The following SMYD3 variants were observed in gnomAD, a reference collection of about 807,000 sequenced individuals.
SMYD3 encodes the protein histone-lysine N-methyltransferase SMYD3.
SMYD3 carries 36 observed loss-of-function variants against 57.7 expected under a neutral mutation model. That is an observed-to-expected ratio of 0.62 (90% CI 0.48 to 0.82). SMYD3 has a LOEUF of 0.82. SMYD3 is among the 40% of genes least tolerant of loss of function. The pLI is 0.00. For missense variants in SMYD3, 515 were observed against 538.8 expected (o/e 0.96, Z 0.44); for synonymous variants, 211 against 195.0 (o/e 1.08, Z -0.68).
chr1:246,158,187 A>G (rs1025509899), intron 5 of SMYD3, among the ~76,000 whole-genome samples: 3 of 152,232 alleles, frequency 2.0e-5, no homozygotes, highest in African/African-American at 7.2e-5. Flanking sequence ...TAAGGTAAAA[A>G]TAGACTCATT....
At chr1:246,375,974 C>T (rs936726600) in intron 1 of SMYD3, among the ~76,000 whole-genome samples, 1 of 146,740 alleles carries the variant, frequency 6.8e-6, no homozygotes, top group Non-Finnish European at 1.5e-5. Context: ...AAGTGGTCCA[C>T]CAGCCTCAGC....
At chr1:246,486,912 G>A (rs182647302) in intron 1 of SMYD3, among the ~76,000 whole-genome samples, 1 of 152,110 alleles carries the variant, frequency 6.6e-6, no homozygotes, top group African/African-American at 2.4e-5. Context: ...GCATAACACT[G>A]TTCAAAAAGG....
chr1:246,472,272 A>G (rs2067971066), intron 1 of SMYD3, among the ~76,000 whole-genome samples: 1 of 152,210 alleles, frequency 6.6e-6, no homozygotes, highest in Non-Finnish European at 1.5e-5. Flanking sequence ...AAAAGAAAAC[A>G]GAAAAGTGAC....
intron 11 of SMYD3, among the ~76,000 whole-genome samples, chr1:245,752,084 T>C (rs34931441): frequency 3.9e-4 from 59 of 152,324 alleles, no homozygotes; most frequent in Non-Finnish European, 6.8e-4. Context: ...GACAGCACGA[T>C]TGCGGAAAGA....
chr1:246,328,054 C>T (rs141137695), intron 4 of SMYD3, among the ~76,000 whole-genome samples: 3,498 of 152,078 alleles, frequency 0.023, 133 homozygotes, highest in African/African-American at 0.079. Context: ...ATCAGCAGGG[C>T]GTGGTGGTGT....
At chr1:246,013,941 G>A (rs2059330626) in intron 5 of SMYD3, among the ~76,000 whole-genome samples, 1 of 152,190 alleles carries the variant, frequency 6.6e-6, no homozygotes, top group Non-Finnish European at 1.5e-5. Context: ...ATAGAAAAAA[G>A]AGAATACAGA....
At chr1:245,969,535 C>A (rs2058242757) in intron 5 of SMYD3, among the ~76,000 whole-genome samples, 2 of 152,214 alleles carry the variant, frequency 1.3e-5, no homozygotes, top group South Asian at 4.1e-4. Flanking sequence ...AGCACAAACT[C>A]AGAAACATAC....
intron 1 of SMYD3, among the ~76,000 whole-genome samples, chr1:246,403,915 C>T (rs1019113786): frequency 1.8e-4 from 27 of 152,262 alleles, no homozygotes; most frequent in Middle Eastern, 3.4e-3. Flanking sequence ...GCATGTGAAA[C>T]GTCTCAGATA....
chr1:246,320,214 T>C lies in SMYD3; in HGVS notation c.531+6987A>G, dbSNP rs571556452. Among the ~76,000 whole-genome samples, 102 of 152,138 alleles carry C rather than the reference T, an allele frequency of 6.7e-4. 1 individual carries two copies. In the Middle Eastern group the frequency reaches 0.01, roughly 15 times the overall value. On this transcript the variant is annotated intron_variant, in intron 5 of 11. Coordinates refer to ENST00000490107, the MANE Select transcript of SMYD3 (RefSeq NM_001167740.2). ...ATGAAACTGTAAAATTTAAATATCA[T>C]AGTACCAAAAACACCCTCTAAAATA...
chr1:245,826,244 T>C (rs2049484652), intron 10 of SMYD3, among the ~76,000 whole-genome samples: 2 of 151,984 alleles, frequency 1.3e-5, no homozygotes, highest in South Asian at 4.1e-4. Context: ...CTTTTTACGT[T>C]GAATTTGCCT....
At chr1:245,954,711 T>C (rs2057775891) in intron 5 of SMYD3, among the ~76,000 whole-genome samples, 1 of 152,176 alleles carries the variant, frequency 6.6e-6, no homozygotes, top group South Asian at 2.1e-4. Context: ...TGGTAGTTTA[T>C]TCCAAATTCA....
chr1:246,362,633 G>A (rs1338970853), intron 1 of SMYD3, among the ~76,000 whole-genome samples: 3 of 152,262 alleles, frequency 2.0e-5, no homozygotes, highest in East Asian at 1.9e-4. Context: ...ACTGGTTTTC[G>A]TATTTTTTTG....
intron 5 of SMYD3, among the ~76,000 whole-genome samples, chr1:246,280,464 A>G (rs1558373533): frequency 6.6e-6 from 1 of 152,146 alleles, no homozygotes; most frequent in Non-Finnish European, 1.5e-5. Flanking sequence ...GTCACTAATA[A>G]TCTCCATCAT....
At chr1:245,902,820 A>C (rs1419977893) in intron 8 of SMYD3, among the ~76,000 whole-genome samples, 1 of 152,222 alleles carries the variant, frequency 6.6e-6, no homozygotes, top group Non-Finnish European at 1.5e-5. Flanking sequence ...AACTCTACCC[A>C]ACAAATACTG....
chr1:245,847,334 G>A (rs10924358), intron 10 of SMYD3, among the ~76,000 whole-genome samples: 1 of 152,092 alleles, frequency 6.6e-6, no homozygotes, highest in South Asian at 2.1e-4. Flanking sequence ...TTAGTTTTAT[G>A]TTTGCATTGT....
At chr1:245,982,557 A>G (rs1319700793) in intron 5 of SMYD3, among the ~76,000 whole-genome samples, 1 of 152,262 alleles carries the variant, frequency 6.6e-6, no homozygotes, top group Non-Finnish European at 1.5e-5. Flanking sequence ...AAATACTTCC[A>G]TCAAATAAAT....
At chr1:246,438,030 G>A (rs528536047) in intron 1 of SMYD3, among the ~76,000 whole-genome samples, 3 of 151,288 alleles carry the variant, frequency 2.0e-5, no homozygotes, top group East Asian at 3.9e-4. Flanking sequence ...GATTACTATA[G>A]GGTTAAAAGC....
At chr1:246,323,532 T>G (rs969024732) in intron 5 of SMYD3, among the ~76,000 whole-genome samples, 2 of 152,166 alleles carry the variant, frequency 1.3e-5, no homozygotes, top group Non-Finnish European at 2.9e-5. Context: ...GAGCTTCCAT[T>G]AGAAAAAGCC....
At chr1:245,793,135 C>A (rs1380961188) in intron 10 of SMYD3, among the ~76,000 whole-genome samples, 1 of 147,166 alleles carries the variant, frequency 6.8e-6, no homozygotes, top group East Asian at 2.0e-4. Context: ...CGGTGAAACC[C>A]CGTCTCTACT....
Sources: gnomAD v4.1 joint callset for allele counts (sites outside exome capture counted in the v4.1 genomes callset) on GRCh38, gnomAD v4.1.1 for gene constraint, MANE v1.5 for transcripts, NCBI Gene and HGNC (gene_info 2026-07-23, HGNC 2026-07-21) for gene names.